ADAMTS12: variants seen among roughly 807,000 people sequenced by gnomAD.
The protein encoded by ADAMTS12 is A disintegrin and metalloproteinase with thrombospondin motifs 12.
Under a neutral mutation model 167.8 loss-of-function variants are expected in ADAMTS12, and 118 were observed. The ratio of observed to expected loss-of-function variants is 0.70; its 90% CI spans 0.61 to 0.82. The LOEUF (loss-of-function observed/expected upper bound fraction) is 0.82. ADAMTS12 is among the 40% of genes least tolerant of loss of function. The pLI is 0.00. For missense variants in ADAMTS12, 1,916 were observed against 1,998.8 expected (o/e 0.96, Z 0.79); for synonymous variants, 704 against 716.9 (o/e 0.98, Z 0.29).
chr5:33,654,871 A>ATT (rs750362713), intron 7 of ADAMTS12, among the ~76,000 whole-genome samples: 67 of 74,490 alleles, frequency 9.0e-4, no homozygotes, highest in African/African-American at 1.7e-3. Context: ...TATGTGGGTG[A>ATT]TTTTGTGTGT....
intron 9 of ADAMTS12, 87 bp downstream of exon 9, chr5:33,648,735 C>T (rs966483277): frequency 1.2e-5 from 13 of 1,097,130 alleles, no homozygotes; most frequent in Admixed American, 6.7e-5. Context: ...TCTGGATGTT[C>T]AGTTATTTCC....
Position 33,683,075 on chromosome 5 carries a change from G to A in ADAMTS12, c.858C>T (p.Ser286=). 3 of 1,613,386 alleles carry A rather than the reference G, an allele frequency of 1.9e-6. No individual in the cohort carries two copies. Among genetic ancestry groups the A allele is most frequent in the Non-Finnish European group, 2.5e-6 (3 of 1,179,720 alleles). Residue 286 remains serine, a synonymous_variant, in exon 5 of 24, where the codon AGC becomes AGT. Transcript: ENST00000504830. ...CAACAATGTGAATTGCATTGCCAATGCTTGGGTTATGGAACAACCCAGTGA... is the reference window on the plus strand; with the variant it reads ...CAACAATGTGAATTGCATTGCCAATACTTGGGTTATGGAACAACCCAGTGA... ...NMVTGLFHNP[S]IGNAIHIVVV...
intron 18 of ADAMTS12, among the ~76,000 whole-genome samples, chr5:33,582,737 C>T (rs57212773): frequency 0.04 from 6,085 of 152,276 alleles, 383 homozygotes; most frequent in African/African-American, 0.13. Flanking sequence ...GCTTTTAGAG[C>T]CTCCACCTCA....
intron 3 of ADAMTS12, among the ~76,000 whole-genome samples, chr5:33,697,484 G>C (rs1025297022): frequency 6.6e-6 from 1 of 152,222 alleles, no homozygotes; most frequent in African/African-American, 2.4e-5. Flanking sequence ...TAGAGAAACA[G>C]ATTGTGGGAT....
intron 7 of ADAMTS12, among the ~76,000 whole-genome samples, chr5:33,657,561 C>T (rs1279800119): frequency 6.6e-6 from 1 of 152,196 alleles, no homozygotes; most frequent in Non-Finnish European, 1.5e-5. Context: ...CTGAAACCTG[C>T]CTTCAAGGAA....
intron 3 of ADAMTS12, among the ~76,000 whole-genome samples, chr5:33,709,758 C>A (rs7727220): frequency 3.9e-5 from 6 of 152,068 alleles, no homozygotes; most frequent in Non-Finnish European, 7.3e-5. Context: ...ATGCATGCTG[C>A]GCTTAATACC....
At chr5:33,560,290 C>A (rs10447123) in intron 20 of ADAMTS12, among the ~76,000 whole-genome samples, 5,896 of 151,998 alleles carry the variant, frequency 0.039, 162 homozygotes, top group Non-Finnish European at 0.053. Context: ...GGTAAAAGGG[C>A]AGCAGAAAGG....
At chr5:33,756,439 C>T (rs1745168697) in intron 2 of ADAMTS12, among the ~76,000 whole-genome samples, 1 of 152,220 alleles carries the variant, frequency 6.6e-6, no homozygotes, top group African/African-American at 2.4e-5. Context: ...CCATGAGAGG[C>T]TCTCCAAATT....
At chr5:33,721,795 G>A (rs74909429) in intron 3 of ADAMTS12, among the ~76,000 whole-genome samples, 68 of 152,298 alleles carry the variant, frequency 4.5e-4, no homozygotes, top group Middle Eastern at 3.4e-3. Context: ...TTGTTTTCAA[G>A]GATAAGTTTT....
intron 3 of ADAMTS12, among the ~76,000 whole-genome samples, chr5:33,739,562 A>G (rs966543813): frequency 2.0e-5 from 3 of 152,188 alleles, no homozygotes; most frequent in Admixed American, 6.5e-5. Flanking sequence ...TAGGCACTCA[A>G]ATCCGTCATA....
chr5:33,737,875 C>T (rs914122538), intron 3 of ADAMTS12, among the ~76,000 whole-genome samples: 15 of 152,304 alleles, frequency 9.8e-5, no homozygotes, highest in Admixed American at 9.8e-4. Context: ...CTGTCACTCA[C>T]CCACCCTACC....
At chr5:33,560,922 A>T in intron 20 of ADAMTS12, 105 bp downstream of exon 20, 1 of 1,327,510 alleles carries the variant, frequency 7.5e-7, no homozygotes, top group Non-Finnish European at 9.9e-7. Context: ...ATTAAGAAAA[A>T]GAAAAAAAAA....
intron 2 of ADAMTS12, among the ~76,000 whole-genome samples, chr5:33,777,241 A>T (rs1433765421): frequency 1.3e-5 from 2 of 152,050 alleles, no homozygotes; most frequent in African/African-American, 4.8e-5. Flanking sequence ...ATGACAGGCC[A>T]ATATCTCTGA....
chr5:33,888,101 G>C (rs569203538), intron 1 of ADAMTS12: 1 of 152,116 alleles, frequency 6.6e-6, no homozygotes, highest in Non-Finnish European at 1.5e-5. Flanking sequence ...CCTTGAGCAG[G>C]GGCCACGCTA....
intron 19 of ADAMTS12, among the ~76,000 whole-genome samples, chr5:33,570,488 G>A (rs1746268560): frequency 6.6e-6 from 1 of 151,878 alleles, no homozygotes; most frequent in African/African-American, 2.4e-5. Flanking sequence ...TTCATATCCA[G>A]CCAAACTAAG....
intron 1 of ADAMTS12, among the ~76,000 whole-genome samples, chr5:33,885,832 G>T (rs1386825296): frequency 2.0e-5 from 3 of 152,212 alleles, no homozygotes; most frequent in Non-Finnish European, 4.4e-5. Flanking sequence ...AGTTTGGAGT[G>T]ACAGATCAAC....
intron 2 of ADAMTS12, among the ~76,000 whole-genome samples, chr5:33,863,187 A>G (rs1165436811): frequency 6.6e-6 from 1 of 152,144 alleles, no homozygotes; most frequent in African/African-American, 2.4e-5. Context: ...TGGAAGTTCC[A>G]GCCAGGGCAA....
At chr5:33,689,280 T>A (rs2112273498) in intron 3 of ADAMTS12, among the ~76,000 whole-genome samples, 1 of 152,330 alleles carries the variant, frequency 6.6e-6, no homozygotes, top group East Asian at 1.9e-4. Context: ...TCATAGCCAG[T>A]AAGCAGCAGG....
chr5:33,614,681 T>C (rs940176793), intron 15 of ADAMTS12, among the ~76,000 whole-genome samples: 2 of 152,116 alleles, frequency 1.3e-5, no homozygotes, highest in African/African-American at 4.8e-5. Flanking sequence ...ATATGGGGAG[T>C]ACTCTGTGGA....
Sources: allele counts gnomAD v4.1 joint callset (sites outside exome capture counted in the v4.1 genomes callset), GRCh38; gene constraint gnomAD v4.1.1; transcripts MANE v1.5; gene names NCBI Gene and HGNC (gene_info 2026-07-23, HGNC 2026-07-21).